STARD13: variants seen among roughly 807,000 people sequenced by gnomAD.
STARD13 encodes the protein stAR-related lipid transfer protein 13.
Under a neutral mutation model 106.4 loss-of-function variants are expected in STARD13, and 62 were observed. The observed-to-expected ratio is 0.58, with a 90% CI of 0.48 to 0.72. STARD13 has a LOEUF of 0.72. STARD13 is among the 30% of genes least tolerant of loss of function. The pLI, the probability that STARD13 is intolerant of heterozygous loss-of-function variation, is 0.00. For synonymous variants in STARD13, 565 were observed against 553.0 expected (o/e 1.02, Z -0.31); for missense variants, 1,387 against 1,424.0 (o/e 0.97, Z 0.42).
chr13:33,498,100 A>G, the STARD13 span, among the ~76,000 whole-genome samples: 1 of 152,234 alleles, frequency 6.6e-6, no homozygotes, highest in South Asian at 2.1e-4. Context: ...GAAGCTACTG[A>G]TACTTCCATG....
the STARD13 span, among the ~76,000 whole-genome samples, chr13:33,406,210 C>T: frequency 6.6e-6 from 1 of 152,206 alleles, no homozygotes; most frequent in South Asian, 2.1e-4. Flanking sequence ...CTAACAAGGG[C>T]TTTCTAAGCT....
intron 1 of STARD13, among the ~76,000 whole-genome samples, chr13:33,201,432 C>T (rs1282340674): frequency 6.6e-6 from 1 of 152,254 alleles, no homozygotes; most frequent in African/African-American, 2.4e-5. Flanking sequence ...ACTATGATAA[C>T]ATGGCTTTAC....
the STARD13 span, among the ~76,000 whole-genome samples, chr13:33,481,405 T>C: frequency 6.6e-6 from 1 of 152,160 alleles, no homozygotes; most frequent in Non-Finnish European, 1.5e-5. Flanking sequence ...GCAGCACCAT[T>C]TGTGAAGTAG....
At chr13:33,417,002 A>T in the STARD13 span, among the ~76,000 whole-genome samples, 52 of 152,354 alleles carry the variant, frequency 3.4e-4, no homozygotes, top group African/African-American at 1.1e-3. Context: ...ATACTTCAAC[A>T]TTTTAAAAAG....
At chr13:33,412,840 A>T in the STARD13 span, among the ~76,000 whole-genome samples, 3 of 152,190 alleles carry the variant, frequency 2.0e-5, no homozygotes, top group African/African-American at 7.2e-5. Context: ...AAAAGGAAAA[A>T]TAGGCAAATC....
At chr13:33,452,059 A>G in the STARD13 span, among the ~76,000 whole-genome samples, 3 of 152,214 alleles carry the variant, frequency 2.0e-5, no homozygotes, top group Non-Finnish European at 2.9e-5. Context: ...ACCTTGATGA[A>G]GGGCTTTTGT....
At chr13:33,277,721 G>A (rs1038793257) in intron 1 of STARD13, 3 of 152,138 alleles carry the variant, frequency 2.0e-5, no homozygotes, top group Non-Finnish European at 4.4e-5. Flanking sequence ...GAGCTAGAAG[G>A]CAATAATTTC....
intron 13 of STARD13, among the ~76,000 whole-genome samples, chr13:33,106,032 G>A (rs1873646629): frequency 6.6e-6 from 1 of 152,244 alleles, no homozygotes; most frequent in Non-Finnish European, 1.5e-5. Flanking sequence ...ACCAAGAACT[G>A]GGTTTAGCAT....
the STARD13 span, among the ~76,000 whole-genome samples, chr13:33,399,756 T>A: frequency 8.2e-6 from 1 of 122,214 alleles, no homozygotes; most frequent in Non-Finnish European, 1.8e-5. Flanking sequence ...AAATCAAGCA[T>A]CAATTAAAGA....
chr13:33,405,500 T>C, the STARD13 span, among the ~76,000 whole-genome samples: 2 of 152,264 alleles, frequency 1.3e-5, no homozygotes, highest in Non-Finnish European at 2.9e-5. Context: ...ACATGATCTC[T>C]GCTCTGAGAA....
chr13:33,437,777 T>C, the STARD13 span, among the ~76,000 whole-genome samples: 2 of 152,218 alleles, frequency 1.3e-5, no homozygotes, highest in Admixed American at 1.3e-4. Flanking sequence ...ACTTCACCAA[T>C]ATTTCCTTCT....
intron 1 of STARD13, among the ~76,000 whole-genome samples, chr13:33,264,744 AC>A (rs1890812185): frequency 6.6e-6 from 1 of 152,018 alleles, no homozygotes; most frequent in African/African-American, 2.4e-5. Flanking sequence ...CTAGAGAACA[AC>A]CTGGCATTGA....
intron 1 of STARD13, among the ~76,000 whole-genome samples, chr13:33,294,083 G>T (rs146870202): frequency 7.4e-4 from 112 of 152,314 alleles, no homozygotes; most frequent in Middle Eastern, 3.4e-3. Flanking sequence ...AAATTAGGGA[G>T]CCTGGAGGGA....
At chr13:33,356,264 T>C in the STARD13 span, among the ~76,000 whole-genome samples, 103 of 152,346 alleles carry the variant, frequency 6.8e-4, 2 homozygotes, top group African/African-American at 2.4e-3. Context: ...GAGTAAGTAA[T>C]TTAGCTTACC....
intron 12 of STARD13, among the ~76,000 whole-genome samples, chr13:33,108,672 G>A (rs975824001): frequency 6.6e-6 from 1 of 152,200 alleles, no homozygotes; most frequent in Non-Finnish European, 1.5e-5. Context: ...ATAAATAGCA[G>A]GCTGGTGGGG....
the STARD13 span, among the ~76,000 whole-genome samples, chr13:33,622,835 C>T: frequency 6.8e-6 from 1 of 147,424 alleles, no homozygotes; most frequent in Non-Finnish European, 1.5e-5. Flanking sequence ...CAGGAGAATC[C>T]CTTGAACCAG....
At chr13:33,475,454 C>T in the STARD13 span, among the ~76,000 whole-genome samples, 2 of 152,120 alleles carry the variant, frequency 1.3e-5, no homozygotes, top group Non-Finnish European at 2.9e-5. Flanking sequence ...TCATCATTTG[C>T]TCTATTTATC....
chr13:33,126,156 G>C lies in STARD13; in HGVS notation c.2007C>G (p.Val669=). The C allele has an allele frequency of 1.2e-6, 2 of 1,614,162 alleles. No homozygotes were observed. The highest frequency in any genetic ancestry group is 1.1e-5 in the South Asian group (1 of 91,072). The stretch of plus-strand genomic sequence containing the variant: ...GAGGCAGGGGCTGTCCCGTTCTTTG[G>C]ACGTGGACTATGAGAGGAACGCCAA... ...AVFGVPLIVH[V]QRTGQPLPQS... is the part of the protein sequence containing the mutation. The change falls in exon 7 of 14, where the codon GTC becomes GTG. Residue 669 remains valine (V), a synonymous_variant. Transcript: ENST00000336934.
chr13:33,431,231 T>TA, the STARD13 span, among the ~76,000 whole-genome samples: 1 of 152,090 alleles, frequency 6.6e-6, no homozygotes, highest in East Asian at 1.9e-4. Flanking sequence ...CATCGTTTAA[T>TA]AAAAAAATGT....
Sources: gnomAD v4.1 joint callset for allele counts (sites outside exome capture counted in the v4.1 genomes callset) on GRCh38, gnomAD v4.1.1 for gene constraint, MANE v1.5 for transcripts, NCBI Gene and HGNC (gene_info 2026-07-23, HGNC 2026-07-21) for gene names.